THRB: variants seen among roughly 807,000 people sequenced by gnomAD.
THRB encodes nuclear receptor subfamily 1 group A member 2.
In THRB, 12 loss-of-function variants were observed where a neutral mutation model predicts 47.8. The ratio of observed to expected loss-of-function variants is 0.25; its 90% CI spans 0.16 to 0.41. THRB has a LOEUF of 0.41. Among genes scored for constraint, THRB ranks in the 10% least tolerant of loss-of-function variants. THRB has a pLI of 1.00. For synonymous variants in THRB, 218 were observed against 212.2 expected, an observed-to-expected ratio of 1.03 and a Z score of -0.24; for missense variants, 348 against 589.2, an observed-to-expected ratio of 0.59 and a Z score of 4.24.
At chr3:24,436,599 G>A (rs549921166) in intron 1 of THRB, among the ~76,000 whole-genome samples, 11 of 152,200 alleles carry the variant, frequency 7.2e-5, no homozygotes, top group African/African-American at 1.7e-4. Context: ...GAGCCTGACC[G>A]TCGAAAATAA....
At chr3:24,205,792 A>C (rs2045268352) in intron 4 of THRB, among the ~76,000 whole-genome samples, 1 of 152,206 alleles carries the variant, frequency 6.6e-6, no homozygotes, top group Non-Finnish European at 1.5e-5. Context: ...CTCAAAGTAA[A>C]GGGATGGAGG....
In THRB at chr3:24,269,397, GCGCGCGCACACA is replaced by G. The variant is rs1302842207; in HGVS notation, c.-43+27817_-43+27828del. On this transcript the variant is annotated intron_variant, in intron 3 of 10. Coordinates refer to ENST00000646209, the MANE Select transcript of THRB (RefSeq NM_001354712.2). ...CTCATCATAGCTCACACGCGCGCGCGCGCGCGCACACACACACACACACACACACACACACAC... is the reference window on the plus strand; with the variant it reads ...CTCATCATAGCTCACACGCGCGCGCGCACACACACACACACACACACACAC... Among the ~76,000 whole-genome samples the G allele has an allele frequency of 7.1e-3, 810 of 113,774 alleles. 10 individuals carry two copies. The highest frequency in any genetic ancestry group is 0.019 in the African/African-American group (458 of 24,262). The allele number at this position is 113,774 out of a possible 152,430, so 74.6% of individuals were successfully genotyped here.
chr3:24,190,608 T>TA (rs888317878), intron 4 of THRB, among the ~76,000 whole-genome samples: 1 of 152,086 alleles, frequency 6.6e-6, no homozygotes, highest in Non-Finnish European at 1.5e-5. Flanking sequence ...CTTTCGCCAG[T>TA]CCCACTTCCA....
At chr3:24,293,038 ATTT>A (rs2056100946) in intron 3 of THRB, among the ~76,000 whole-genome samples, 2 of 150,712 alleles carry the variant, frequency 1.3e-5, no homozygotes, top group Admixed American at 6.6e-5. Context: ...GTTGCTCATA[ATTT>A]TTTGCACCTG....
intron 4 of THRB, among the ~76,000 whole-genome samples, chr3:24,219,294 T>G (rs2046927555): frequency 6.6e-6 from 1 of 152,048 alleles, no homozygotes; most frequent in Non-Finnish European, 1.5e-5. Context: ...AGACCCTGTC[T>G]CAAAAAACAA....
chr3:24,331,674 G>A (rs2061940036), intron 2 of THRB, among the ~76,000 whole-genome samples: 1 of 116,604 alleles, frequency 8.6e-6, no homozygotes, highest in African/African-American at 4.1e-5. Flanking sequence ...ACACACCTCC[G>A]TGTATGGTGT....
At chr3:24,132,336 C>A (rs2033991006) in intron 9 of THRB, among the ~76,000 whole-genome samples, 1 of 151,970 alleles carries the variant, frequency 6.6e-6, no homozygotes, top group South Asian at 2.1e-4. Context: ...GAAAACATAA[C>A]CCCATTTGAT....
At chr3:24,345,861 G>A (rs891021794) in intron 1 of THRB, among the ~76,000 whole-genome samples, 21 of 152,050 alleles carry the variant, frequency 1.4e-4, no homozygotes, top group South Asian at 2.1e-4. Flanking sequence ...CTTTAACAGC[G>A]TATACATATG....
chr3:24,168,142 C>CT (rs1220739126), intron 5 of THRB, among the ~76,000 whole-genome samples: 3 of 152,142 alleles, frequency 2.0e-5, no homozygotes, highest in Non-Finnish European at 4.4e-5. Context: ...TGGGAATACT[C>CT]TTTACTTGTA....
chr3:24,383,392 G>C (rs112814863), intron 1 of THRB, among the ~76,000 whole-genome samples: 1 of 152,162 alleles, frequency 6.6e-6, no homozygotes, highest in African/African-American at 2.4e-5. Context: ...CTAGGGATTG[G>C]GGCTGAGGGA....
At chr3:24,310,758 T>C (rs536212309) in intron 2 of THRB, among the ~76,000 whole-genome samples, 3 of 152,172 alleles carry the variant, frequency 2.0e-5, no homozygotes, top group Non-Finnish European at 4.4e-5. Flanking sequence ...TATTGGCATC[T>C]AGTGGGTAGA....
intron 4 of THRB, among the ~76,000 whole-genome samples, chr3:24,212,687 C>T (rs1053001056): frequency 1.3e-5 from 2 of 152,142 alleles, no homozygotes; most frequent in African/African-American, 2.4e-5. Context: ...CCTTGATCCC[C>T]CGCTATTATG....
At chr3:24,162,065 C>A (rs2038937623) in intron 5 of THRB, among the ~76,000 whole-genome samples, 1 of 152,006 alleles carries the variant, frequency 6.6e-6, no homozygotes, top group East Asian at 1.9e-4. Context: ...GGTTGACCTG[C>A]AAAGCTGCCT....
chr3:24,453,384 A>G (rs1172001623), intron 1 of THRB, among the ~76,000 whole-genome samples: 2 of 152,186 alleles, frequency 1.3e-5, no homozygotes, highest in Non-Finnish European at 2.9e-5. Flanking sequence ...GGAAGTTAGT[A>G]CTATAACCCA....
intron 2 of THRB, among the ~76,000 whole-genome samples, chr3:24,300,626 C>T (rs1241966793): frequency 1.3e-5 from 2 of 152,160 alleles, no homozygotes; most frequent in Non-Finnish European, 1.5e-5. Context: ...GATTGCTTTT[C>T]AAAAGTTCAA....
At chr3:24,321,624 C>G (rs1339396074) in intron 2 of THRB, among the ~76,000 whole-genome samples, 2 of 151,604 alleles carry the variant, frequency 1.3e-5, no homozygotes, top group East Asian at 3.9e-4. Flanking sequence ...GGATTGTATG[C>G]TAATATAATT....
intron 1 of THRB, among the ~76,000 whole-genome samples, chr3:24,491,456 T>C (rs1403938848): frequency 6.6e-6 from 1 of 152,222 alleles, no homozygotes; most frequent in Non-Finnish European, 1.5e-5. Flanking sequence ...TAATGCAATA[T>C]TTCCCACCAT....
chr3:24,318,295 C>T (rs1235698796), intron 2 of THRB: 2 of 152,270 alleles, frequency 1.3e-5, no homozygotes, highest in Non-Finnish European at 2.9e-5. Flanking sequence ...GCAAGTGCCT[C>T]CTGCATGTGC....
At position 24,425,420 on chromosome 3, in the gene THRB, A is replaced by T. The variant is rs191677725; in HGVS notation, c.-261+69232T>A. ...TTATTCTCATTATTTGTCCATTTTT[A>T]AAAAAATGTGAGTACGCACCTTTTT... is the stretch of plus-strand genomic sequence containing the variant. On this transcript the variant is annotated intron_variant, in intron 1 of 10. Coordinates refer to ENST00000646209, the MANE Select transcript of THRB (RefSeq NM_001354712.2). Among the ~76,000 whole-genome samples the T allele has an allele frequency of 1.0e-3, 159 of 151,928 alleles. 2 individuals are homozygous for T. In the East Asian group the frequency reaches 0.019, roughly 19 times the overall value.
Sources: allele counts gnomAD v4.1 joint callset (sites outside exome capture counted in the v4.1 genomes callset), GRCh38; gene constraint gnomAD v4.1.1; transcripts MANE v1.5; gene names NCBI Gene and HGNC (gene_info 2026-07-23, HGNC 2026-07-21).